Variants in RCOR1 observed in about 807,000 individuals in gnomAD.
RCOR1 encodes REST corepressor.
Under a neutral mutation model 64.0 loss-of-function variants are expected in RCOR1, and 12 were observed. That is an observed-to-expected ratio of 0.19 (90% confidence interval 0.12 to 0.30). The LOEUF is 0.30. Among genes scored for constraint, RCOR1 ranks in the 10% least tolerant of loss-of-function variants. RCOR1 has a pLI of 1.00. For missense variants in RCOR1, 502 were observed against 621.2 expected (o/e 0.81, Z 2.04); for synonymous variants, 279 against 227.2 (o/e 1.23, Z -2.05).
chr14:102,659,881 C>T (rs1894796686), intron 2 of RCOR1, among the ~76,000 whole-genome samples: 2 of 152,114 alleles, frequency 1.3e-5, no homozygotes, highest in African/African-American at 4.8e-5. Flanking sequence ...CAGCCATAGT[C>T]AAGAAGCGTG....
At chr14:102,690,978 T>A (rs543874622) in intron 3 of RCOR1, among the ~76,000 whole-genome samples, 38 of 152,354 alleles carry the variant, frequency 2.5e-4, no homozygotes, top group African/African-American at 8.7e-4. Context: ...TTCTGCCATT[T>A]GCTCTGTAAC....
In RCOR1 at chr14:102,627,476, G is replaced by A. The variant is rs548628176; in HGVS notation, c.361+34151G>A. ...GATTGAGACCAGCCTGGCCAATGTG[G>A]GGAAACCCCATCTCTACTAAAAATA... On this transcript the variant is annotated intron_variant, in intron 2 of 11. Transcript: ENST00000262241. Among the ~76,000 whole-genome samples, 494 of 152,220 alleles carry A rather than the reference G, an allele frequency of 3.2e-3. 5 individuals are homozygous for A. Among genetic ancestry groups the A allele is most frequent in the African/African-American group, 0.012 (482 of 41,542 alleles).
At position 102,729,842 on chromosome 14, in the gene RCOR1, C is replaced by T; in HGVS notation, c.*3336C>T. 1 of 399,084 alleles carries T rather than the reference C, an allele frequency of 2.5e-6. No homozygotes were observed. The allele number at this position is 399,084 out of a possible 1,614,324, so 24.7% of individuals were successfully genotyped here. On this transcript the variant is annotated 3_prime_UTR_variant, in exon 12 of 12. Coordinates refer to ENST00000262241, the MANE Select transcript of RCOR1 (RefSeq NM_015156.4). ...GTGAGCTAAGGAAAGATGGAGCCAA[C>T]TCCAACGAGGGCCTCTTTTTCTCTC... is the stretch of plus-strand genomic sequence containing the variant.
chr14:102,602,230 T>C (rs1261579350), intron 2 of RCOR1, among the ~76,000 whole-genome samples: 1 of 152,122 alleles, frequency 6.6e-6, no homozygotes, highest in Non-Finnish European at 1.5e-5. Flanking sequence ...TAATCTATGC[T>C]ATTCATGTAC....
intron 8 of RCOR1, among the ~76,000 whole-genome samples, chr14:102,715,518 A>G (rs564365486): frequency 1.3e-5 from 2 of 151,798 alleles, no homozygotes; most frequent in Admixed American, 6.6e-5. Flanking sequence ...AGTAGTTGGG[A>G]GTACAGGCGC....
At chr14:102,604,124 T>A (rs1396788643) in intron 2 of RCOR1, among the ~76,000 whole-genome samples, 3 of 152,196 alleles carry the variant, frequency 2.0e-5, no homozygotes, top group African/African-American at 4.8e-5. Context: ...TTTTTTTTGT[T>A]GATTGTTGTG....
chr14:102,649,834 CAAGA>C (rs1220128630), intron 2 of RCOR1: 2 of 954,236 alleles, frequency 2.1e-6, no homozygotes, highest in African/African-American at 3.5e-5. Context: ...GAATGATCCT[CAAGA>C]AAATGAATTG....
chr14:102,643,298 TG>T (rs1222412107), intron 2 of RCOR1: 8 of 970,932 alleles, frequency 8.2e-6, no homozygotes, highest in Middle Eastern at 5.3e-4. Context: ...AAAAGAGGAA[TG>T]GAAGAGATTA....
chr14:102,650,153 G>A (rs1432839381), intron 2 of RCOR1, among the ~76,000 whole-genome samples: 1 of 144,930 alleles, frequency 6.9e-6, no homozygotes, highest in African/African-American at 2.6e-5. Context: ...AGCCGAGATC[G>A]CACCACTGCA....
At chr14:102,662,625 C>T (rs1894847477) in intron 2 of RCOR1, 1 of 450,342 alleles carries the variant, frequency 2.2e-6, no homozygotes, top group Non-Finnish European at 4.2e-6. Flanking sequence ...CGCCTTTCAA[C>T]ACTGCTTTCT....
intron 2 of RCOR1, among the ~76,000 whole-genome samples, chr14:102,658,868 G>A (rs185181869): frequency 2.6e-5 from 4 of 152,334 alleles, no homozygotes; most frequent in African/African-American, 9.6e-5. Context: ...TATGATTGGA[G>A]TGGTGGGAGG....
chr14:102,598,296 C>T (rs1003163702), intron 2 of RCOR1, among the ~76,000 whole-genome samples: 1 of 152,142 alleles, frequency 6.6e-6, no homozygotes, highest in Non-Finnish European at 1.5e-5. Flanking sequence ...GGTATGCCAG[C>T]TTGACCCTAT....
intron 6 of RCOR1, 74 bp downstream of exon 6, chr14:102,708,657 C>T: frequency 1.2e-6 from 1 of 812,972 alleles, no homozygotes; most frequent in Non-Finnish European, 2.1e-6. Flanking sequence ...AAAGGCAAGG[C>T]AGAATGACTG....
Position 102,724,245 on chromosome 14 carries a change from G to A in RCOR1, c.1419+1829G>A, listed in dbSNP as rs940464004. 3.3e-5 allele frequency among the ~76,000 whole-genome samples: 5 copies of A among 152,116 alleles called. No homozygotes were observed. The South Asian group carries it at 6.2e-4, about 19-fold the overall frequency. ...AATGAAGAATGGTATTATCTAACTC[G>A]TGTTTAGTTTCATAGTCCTTATATC... On this transcript the variant is annotated intron_variant, in intron 11 of 11. Transcript: ENST00000262241.
intron 2 of RCOR1, among the ~76,000 whole-genome samples, chr14:102,653,950 TCTTTCTTTCTTTCTTTCTTTCTTTCTTTC>T (rs1567423285): frequency 0.05 from 3,183 of 63,226 alleles, 230 homozygotes; most frequent in African/African-American, 0.13. Context: ...TTTCTTTCTT[TCTTTCTTTCTTTCTTTCTTTCTTTCTTTC>T]TTTCTTTTTT....
At chr14:102,603,924 G>T (rs538215445) in intron 2 of RCOR1, among the ~76,000 whole-genome samples, 3 of 152,016 alleles carry the variant, frequency 2.0e-5, no homozygotes, top group African/African-American at 7.2e-5. Flanking sequence ...TATATATTTG[G>T]ATATTCTTTG....
At chr14:102,694,001 CTT>C (rs1895594138) in intron 3 of RCOR1, among the ~76,000 whole-genome samples, 2 of 152,004 alleles carry the variant, frequency 1.3e-5, no homozygotes, top group Admixed American at 6.6e-5. Context: ...TCTGGCCAAT[CTT>C]TTGTTTTTTG....
intron 8 of RCOR1, among the ~76,000 whole-genome samples, chr14:102,715,032 T>A (rs1406755154): frequency 6.6e-6 from 1 of 151,494 alleles, no homozygotes; most frequent in Non-Finnish European, 1.5e-5. Context: ...CCACCCCTCT[T>A]TTATTACCTG....
intron 3 of RCOR1, 97 bp from the exon 4 acceptor site, chr14:102,701,181 C>T: frequency 2.0e-6 from 2 of 1,006,316 alleles, no homozygotes; most frequent in Non-Finnish European, 3.2e-6. Flanking sequence ...CAAACCATAT[C>T]AGCAGGCCTG....
Sources: allele counts gnomAD v4.1 joint callset (sites outside exome capture counted in the v4.1 genomes callset), GRCh38; gene constraint gnomAD v4.1.1; transcripts MANE v1.5; gene names NCBI Gene and HGNC (gene_info 2026-07-23, HGNC 2026-07-21).